Variants in TG observed in about 807,000 individuals in gnomAD.
TG encodes the protein thyroglobulin.
In TG, 270 loss-of-function variants were observed where a neutral mutation model predicts 324.7. That is an observed-to-expected ratio of 0.83 (90% CI 0.75 to 0.92). The LOEUF (loss-of-function observed/expected upper bound fraction) is 0.92, where lower values mean the gene tolerates loss of function less well. Among genes scored for constraint, TG ranks in the 40% least tolerant of loss-of-function variants. TG has a pLI of 0.00. For missense variants in TG, 3,591 were observed against 3,456.4 expected, an observed-to-expected ratio of 1.04 and a Z score of -0.98; for synonymous variants, 1,401 against 1,327.0, an observed-to-expected ratio of 1.06 and a Z score of -1.21.
At chr8:133,012,062 T>A (rs1454530565) in intron 36 of TG, 27 bp downstream of exon 36, 27 of 1,613,988 alleles carry the variant, frequency 1.7e-5, no homozygotes, top group Non-Finnish European at 2.1e-5. Context: ...ACCCACAGGT[T>A]GGGTGGGACA....
At chr8:132,886,367 T>G (rs1005052679) in intron 8 of TG, 81 bp from the exon 9 acceptor site, 1 of 1,580,814 alleles carries the variant, frequency 6.3e-7, no homozygotes, top group African/African-American at 1.3e-5. Context: ...GGCTTCTTAC[T>G]ACCTAAAGGA....
At chr8:133,077,484 G>A (rs556913474) in intron 41 of TG, among the ~76,000 whole-genome samples, 21 of 152,212 alleles carry the variant, frequency 1.4e-4, no homozygotes, top group Non-Finnish European at 2.2e-4. Context: ...TGGAGTAACC[G>A]AGGAAACTTA....
chr8:132,983,490 T>C, intron 35 of TG, 78 bp downstream of exon 35: 1 of 1,409,372 alleles, frequency 7.1e-7, no homozygotes, highest in South Asian at 1.1e-5. Context: ...CCCTTGCTTT[T>C]GTACAGAAGT....
In TG at chr8:133,017,871, G is replaced by C. The variant is rs769720524; in HGVS notation, c.6656G>C (p.Gly2219Ala). ...LLGRSQAIQV[G>A]TSWKQVDQFL... The stretch of plus-strand genomic sequence containing the variant: ...GGCAGGTCCCAGGCCATCCAGGTGG[G>C]TACCTCATGGAAGCAAGTGGACCAG... Residue 2219 changes from glycine to alanine, a missense_variant, in exon 38 of 48, where the codon GGT becomes GCT. Coordinates refer to ENST00000220616, the MANE Select transcript of TG (RefSeq NM_003235.5). The C allele has an allele frequency of 1.9e-6, 3 of 1,614,164 alleles. No individual in the cohort carries two copies. The East Asian group carries it at 6.7e-5, about 36-fold the overall frequency.
At chr8:132,894,756 T>TATA (rs1293110731) in intron 11 of TG, among the ~76,000 whole-genome samples, 2 of 152,228 alleles carry the variant, frequency 1.3e-5, no homozygotes, top group Non-Finnish European at 2.9e-5. Flanking sequence ...TCACAGCCCT[T>TATA]AACCAGCTAA....
chr8:132,901,593 A>G, intron 16 of TG, 40 bp downstream of exon 16: 2 of 1,592,410 alleles, frequency 1.3e-6, no homozygotes, highest in East Asian at 2.2e-5. Context: ...AGGCCTGCAT[A>G]TCTGTTCTTT....
Position 132,897,862 on chromosome 8 carries a change from G to A in TG, c.3139+76G>A, listed in dbSNP as rs569186708. The A allele has an allele frequency of 9.6e-6, 15 of 1,559,546 alleles. No homozygotes were observed. In the East Asian group the frequency reaches 3.4e-4, roughly 35 times the overall value. ...TTTAGAGGACAGAGCCCCACACTGGGAGGCAAGTGAGCTGGACTCTTAGGC... is the reference window on the plus strand; with the variant it reads ...TTTAGAGGACAGAGCCCCACACTGGAAGGCAAGTGAGCTGGACTCTTAGGC... On this transcript the variant is annotated intron_variant, in intron 12 of 47. Coordinates refer to ENST00000220616, the MANE Select transcript of TG (RefSeq NM_003235.5).
chr8:132,920,950 C>T (rs1359671962), intron 21 of TG, among the ~76,000 whole-genome samples: 2 of 152,258 alleles, frequency 1.3e-5, no homozygotes, highest in African/African-American at 4.8e-5. Context: ...CACAGTTCTA[C>T]AGGCTGGAAG....
chr8:133,004,212 T>G (rs1259854531), intron 35 of TG, among the ~76,000 whole-genome samples: 2 of 152,168 alleles, frequency 1.3e-5, no homozygotes, highest in Non-Finnish European at 2.9e-5. Context: ...TCTGGTGAGC[T>G]ACTCCTACTC....
Position 133,019,737 on chromosome 8 carries a change from C to A in TG, c.6876+42C>A, listed in dbSNP as rs754867492. On this transcript the variant is annotated intron_variant, in intron 39 of 47. Transcript: ENST00000220616. Reference sequence around the variant, plus strand: ...TTGCTATGGTTGCCCTGAAGACTGTCCCATTAGAAATCCACTGTCCCCACT... The same window carrying A: ...TTGCTATGGTTGCCCTGAAGACTGTACCATTAGAAATCCACTGTCCCCACT... 18 of 1,544,156 alleles carry A rather than the reference C, an allele frequency of 1.2e-5. No homozygotes were observed. The South Asian group carries it at 1.6e-4, about 13-fold the overall frequency.
chr8:132,950,650 A>C (rs906926956), intron 27 of TG, among the ~76,000 whole-genome samples: 2 of 152,148 alleles, frequency 1.3e-5, no homozygotes, highest in African/African-American at 4.8e-5. Flanking sequence ...CTGTCTGTGG[A>C]AAGTTTGTCT....
chr8:132,933,208 G>T (rs971347557), intron 23 of TG, among the ~76,000 whole-genome samples: 1 of 19,610 alleles, frequency 5.1e-5, no homozygotes, highest in African/African-American at 1.6e-4. Flanking sequence ...ATTTGTGTGT[G>T]TGTGTATTTG....
Position 133,132,013 on chromosome 8 carries a change from C to T in TG, c.7997+67C>T, listed in dbSNP as rs765280298. 333 of 1,604,512 alleles carry T rather than the reference C, an allele frequency of 2.1e-4. 1 individual carries two copies. Among genetic ancestry groups the T allele is most frequent in the Non-Finnish European group, 2.7e-4 (312 of 1,172,998 alleles). On this transcript the variant is annotated intron_variant, in intron 46 of 47. Coordinates refer to ENST00000220616, the MANE Select transcript of TG (RefSeq NM_003235.5). ...TTCCTCCCGCTTCCTTCAAGCAGAA[C>T]GCAAAGGCCCAATTTGCATCGATAG... is the stretch of plus-strand genomic sequence containing the variant.
chr8:132,912,921 A>G (rs1563946285), intron 19 of TG, 126 bp from the exon 20 acceptor site: 10 of 920,240 alleles, frequency 1.1e-5, no homozygotes, highest in Non-Finnish European at 1.7e-5. Context: ...CTGTAAAATG[A>G]GACACCACAT....
chr8:132,997,229 C>G (rs1832968883), intron 35 of TG, among the ~76,000 whole-genome samples: 1 of 152,070 alleles, frequency 6.6e-6, no homozygotes, highest in Non-Finnish European at 1.5e-5. Context: ...GTGCCAATTC[C>G]AAGATAAAGA....
At chr8:132,952,890 A>G (rs1475123980) in intron 27 of TG, among the ~76,000 whole-genome samples, 1 of 152,190 alleles carries the variant, frequency 6.6e-6, no homozygotes, top group Non-Finnish European at 1.5e-5. Flanking sequence ...TCAGCTTAGG[A>G]GACCAGTGCT....
intron 41 of TG, among the ~76,000 whole-genome samples, chr8:133,067,790 G>A (rs571971313): frequency 0.024 from 3,359 of 142,436 alleles, 139 homozygotes; most frequent in African/African-American, 0.083. Flanking sequence ...AAGAAAGAAA[G>A]AAAAAGAAAG....
At chr8:132,897,466 A>G (rs984534669) in intron 11 of TG, among the ~76,000 whole-genome samples, 183 bp from the exon 12 acceptor site, 2 of 152,228 alleles carry the variant, frequency 1.3e-5, no homozygotes, top group Non-Finnish European at 2.9e-5. Flanking sequence ...TTAAAGGACA[A>G]TCTGTTGAGT....
At chr8:132,881,762 C>T in intron 5 of TG, 101 bp from the exon 6 acceptor site, 1 of 809,878 alleles carries the variant, frequency 1.2e-6, no homozygotes, top group South Asian at 1.4e-5. Flanking sequence ...AGTAGACATT[C>T]CTTTTCACTA....
Sources: gnomAD v4.1 joint callset for allele counts (sites outside exome capture counted in the v4.1 genomes callset) on GRCh38, gnomAD v4.1.1 for gene constraint, MANE v1.5 for transcripts, NCBI Gene and HGNC (gene_info 2026-07-23, HGNC 2026-07-21) for gene names.